Variants in ABCA13 observed in about 807,000 individuals in gnomAD.
ABCA13 encodes the protein ATP binding cassette subfamily A member 13.
ABCA13 carries 476 observed loss-of-function variants against 478.7 expected under a neutral mutation model. That is an observed-to-expected ratio of 0.99 (90% CI 0.92 to 1.07). The LOEUF is 1.07. ABCA13 is among the 50% of genes least tolerant of loss of function. The probability of loss-of-function intolerance (pLI) is 0.00; values close to 1 mark genes in which losing one functional copy is unlikely to be tolerated. For missense variants in ABCA13, 6,060 were observed against 5,910.6 expected (o/e 1.03, Z -0.83); for synonymous variants, 2,252 against 2,158.9 (o/e 1.04, Z -1.20).
intron 58 of ABCA13, among the ~76,000 whole-genome samples, chr7:48,604,433 T>G (rs910475038): frequency 2.0e-5 from 3 of 152,216 alleles, no homozygotes; most frequent in Non-Finnish European, 4.4e-5. Context: ...ACACTGTGCC[T>G]TTGTTCTCAC....
intron 15 of ABCA13, among the ~76,000 whole-genome samples, chr7:48,262,863 T>G (rs1407662047): frequency 6.6e-6 from 1 of 152,016 alleles, no homozygotes; most frequent in Admixed American, 6.6e-5. Flanking sequence ...TTGCTTGATA[T>G]AGTCTCCTCA....
At position 48,217,968 on chromosome 7, in the gene ABCA13, G is replaced by C. The variant is rs369481092; in HGVS notation, c.288-1386G>C. ...TGCTCTCCACCCAAATCCTATTATA[G>C]CTCTGGGATTTCCCTGCTGCTCTGG... On this transcript the variant is annotated intron_variant, in intron 3 of 61. Transcript: ENST00000435803. Among the ~76,000 whole-genome samples, 266 of 152,224 alleles carry C rather than the reference G, an allele frequency of 1.7e-3. 1 individual carries two copies. Among genetic ancestry groups the C allele is most frequent in the African/African-American group, 6.0e-3 (248 of 41,516 alleles).
At chr7:48,188,064 A>T (rs1796601306) in intron 1 of ABCA13, among the ~76,000 whole-genome samples, 2 of 151,950 alleles carry the variant, frequency 1.3e-5, no homozygotes, top group Non-Finnish European at 2.9e-5. Flanking sequence ...TTCAATATCT[A>T]GTGTGATCCC....
chr7:48,215,642 C>T (rs921702144), intron 3 of ABCA13, among the ~76,000 whole-genome samples: 1 of 152,106 alleles, frequency 6.6e-6, no homozygotes, highest in Non-Finnish European at 1.5e-5. Context: ...GTACACAATT[C>T]AATAATTGTT....
At position 48,412,425 on chromosome 7, in the gene ABCA13, C is replaced by T. The variant is rs766662558; in HGVS notation, c.12301C>T (p.Gln4101Ter). 1.2e-6 allele frequency: 2 copies of T among 1,613,542 alleles called. No homozygotes were observed. The highest frequency in any genetic ancestry group is 3.3e-5 in the Admixed American group (2 of 59,974). ...ATCCCTGATAAAGATCTATATTCCA[C>T]AAGCATTTCTCAAAGACAGCAGTGG... ...VTSLIKIYIP[Q>*]AFLKDSSGSE... The change falls in exon 41 of 62, where the codon CAA becomes TAA. Residue 4101 changes from glutamine (Q) to a stop codon, truncating the protein, a stop_gained. Coordinates refer to ENST00000435803, the MANE Select transcript of ABCA13 (RefSeq NM_152701.5). LOFTEE classifies it high-confidence loss of function.
chr7:48,336,909 C>T (rs773401942), intron 28 of ABCA13, among the ~76,000 whole-genome samples: 2 of 152,206 alleles, frequency 1.3e-5, no homozygotes, highest in African/African-American at 2.4e-5. Flanking sequence ...TATATAATCT[C>T]ATGCAATATT....
chr7:48,367,733 TA>T, intron 31 of ABCA13, 60 bp from the exon 32 acceptor site: 1 of 1,329,026 alleles, frequency 7.5e-7, no homozygotes, highest in Non-Finnish European at 1.1e-6. Context: ...AAGAAAAATG[TA>T]AAAAATTAGT....
chr7:48,587,371 A>T, intron 57 of ABCA13, 83 bp downstream of exon 57: 2 of 1,422,820 alleles, frequency 1.4e-6, no homozygotes, highest in Non-Finnish European at 1.9e-6. Context: ...TTTTTCTGGG[A>T]AGTAACTTCA....
chr7:48,567,378 G>A (rs1382541866), intron 55 of ABCA13, among the ~76,000 whole-genome samples: 1 of 152,034 alleles, frequency 6.6e-6, no homozygotes, highest in Non-Finnish European at 1.5e-5. Context: ...AAGAATATCT[G>A]AATATGTATT....
intron 41 of ABCA13, among the ~76,000 whole-genome samples, chr7:48,422,155 G>A (rs1430118534): frequency 1.3e-5 from 2 of 150,902 alleles, no homozygotes; most frequent in Non-Finnish European, 2.9e-5. Context: ...GAGAGACCCT[G>A]TTCCCTTTTT....
At chr7:48,393,889 G>A (rs1284756807) in intron 38 of ABCA13, among the ~76,000 whole-genome samples, 7 of 152,156 alleles carry the variant, frequency 4.6e-5, no homozygotes, top group Non-Finnish European at 1.0e-4. Flanking sequence ...CCTGCATCAT[G>A]CCTCTGTAGA....
chr7:48,234,515 A>T (rs2129000575), intron 8 of ABCA13, among the ~76,000 whole-genome samples: 1 of 152,230 alleles, frequency 6.6e-6, no homozygotes, highest in South Asian at 2.1e-4. Context: ...GTGAGTGGGG[A>T]TACAAGTGGG....
chr7:48,471,565 C>T lies in ABCA13; in HGVS notation c.12941C>T (p.Ser4314Phe). 8 of 1,564,632 alleles carry T rather than the reference C, an allele frequency of 5.1e-6. No individual in the cohort carries two copies. Among genetic ancestry groups the T allele is most frequent in the Non-Finnish European group, 5.2e-6 (6 of 1,152,442 alleles). Residue 4314 changes from serine (S) to phenylalanine (F), a missense_variant, in exon 45 of 62, where the codon TCT becomes TTT. Physicochemically the swap from Ser to Phe is radical, Grantham distance 155. Coordinates refer to ENST00000435803, the MANE Select transcript of ABCA13 (RefSeq NM_152701.5). Reference sequence around the variant, plus strand: ...TCATGCTGGCGCACAGATCCCTTTTCTCACCCAGAATTCCAGGATTCATGT... The same window carrying T: ...TCATGCTGGCGCACAGATCCCTTTTTTCACCCAGAATTCCAGGATTCATGT... ...NSSCWRTDPF[S>F]HPEFQDSCGC...
intron 35 of ABCA13, among the ~76,000 whole-genome samples, chr7:48,385,980 T>C (rs1302383203): frequency 6.6e-6 from 1 of 152,206 alleles, no homozygotes; most frequent in Non-Finnish European, 1.5e-5. Context: ...TCTCTTTATA[T>C]CCCTTGCCCA....
rs1414676748 is a variant in ABCA13 at position 48,227,391 on chromosome 7, G to A, written c.598G>A (p.Asp200Asn). 6.2e-6 allele frequency: 10 copies of A among 1,613,992 alleles called. No individual in the cohort carries two copies. Among genetic ancestry groups the A allele is most frequent in the Non-Finnish European group, 8.5e-6 (10 of 1,179,902 alleles). ...CCATGATCATGTGGAAGATGGCATG[G>A]ATGTTGCAGTGAACCTTCTCCAGAC... ...TSHDHVEDGM[D>N]VAVNLLQTIL... The change falls in exon 6 of 62, where the codon GAT becomes AAT. Residue 200 changes from aspartate (D) to asparagine (N), a missense_variant. Coordinates refer to ENST00000435803, the MANE Select transcript of ABCA13 (RefSeq NM_152701.5).
chr7:48,512,904 C>A (rs1196512467), intron 51 of ABCA13, among the ~76,000 whole-genome samples: 1 of 152,170 alleles, frequency 6.6e-6, no homozygotes, highest in Non-Finnish European at 1.5e-5. Flanking sequence ...ATAACTCAGA[C>A]CGTGTTTGTA....
At position 48,281,347 on chromosome 7, in the gene ABCA13, G is replaced by A; in HGVS notation, c.8731G>A (p.Val2911Ile). ...TGTATATATTTTTTTGCTAAGTGTT[G>A]TTGAGATTTGTGAAGTTTTCCAGCA... The part of the protein sequence containing the change: ...QQIPLTDQSV[V>I]EICEVFQQTV... The change falls in exon 19 of 62, where the codon GTT becomes ATT. Residue 2911 changes from valine (V) to isoleucine (I), a missense_variant. Physicochemically the swap from Val to Ile is conservative, Grantham distance 29 (BLOSUM62 3). Around this residue, in one of 3 missense-constraint regions of ABCA13, gnomAD observed 4,423 missense variants for 4,309.1 expected, o/e 1.03. Coordinates refer to ENST00000435803, the MANE Select transcript of ABCA13 (RefSeq NM_152701.5). 3.1e-6 allele frequency: 5 copies of A among 1,599,532 alleles called. No homozygotes were observed. Among genetic ancestry groups the A allele is most frequent in the Non-Finnish European group, 2.6e-6 (3 of 1,172,840 alleles).
chr7:48,201,943 G>A lies in ABCA13; in HGVS notation c.287+3583G>A, dbSNP rs189483587. On this transcript the variant is annotated intron_variant, in intron 3 of 61. Coordinates refer to ENST00000435803, the MANE Select transcript of ABCA13 (RefSeq NM_152701.5). ...GGTTCGTGGTCTCGCTGGCTCAGGA[G>A]TGAAGCTGCAGACCTTCACGGTGAG... Among the ~76,000 whole-genome samples, 298 of 152,104 alleles carry A rather than the reference G, an allele frequency of 2.0e-3. 5 individuals carry two copies. The East Asian group carries it at 0.029, about 15-fold the overall frequency.
In ABCA13 at chr7:48,177,847, T is replaced by A. The variant is rs144841321; in HGVS notation, c.69+6295T>A. ...GTCATTAAATCGGGAGCCTGTGGGATCTTGGGGCTTGGCCTGGGCTTCCCT... is the reference window on the plus strand; with the variant it reads ...GTCATTAAATCGGGAGCCTGTGGGAACTTGGGGCTTGGCCTGGGCTTCCCT... On this transcript the variant is annotated intron_variant, in intron 1 of 61. Transcript: ENST00000435803. Among the ~76,000 whole-genome samples the A allele has an allele frequency of 4.0e-3, 603 of 152,292 alleles. 3 individuals carry two copies. The highest frequency in any genetic ancestry group is 0.014 in the Middle Eastern group (4 of 294).
Sources: gnomAD v4.1 joint callset for allele counts (sites outside exome capture counted in the v4.1 genomes callset) on GRCh38, gnomAD v4.1.1 for gene constraint, gnomAD v4.1.1 regional missense constraint, MANE v1.5 for transcripts, NCBI Gene and HGNC (gene_info 2026-07-23, HGNC 2026-07-21) for gene names.